Variants in ATXN10 observed in about 807,000 individuals in gnomAD.
ATXN10 encodes the protein ataxin-10.
Under a neutral mutation model 52.9 loss-of-function variants are expected in ATXN10, and 28 were observed. The ratio of observed to expected loss-of-function variants is 0.53; its 90% CI spans 0.39 to 0.73. The LOEUF is 0.73. Among genes scored for constraint, ATXN10 ranks in the 30% least tolerant of loss-of-function variants. The probability of loss-of-function intolerance (pLI) is 0.00; values close to 1 mark genes in which losing one functional copy is unlikely to be tolerated. For synonymous variants in ATXN10, 226 were observed against 221.5 expected (o/e 1.02, Z -0.18); for missense variants, 565 against 577.0 (o/e 0.98, Z 0.21).
rs117967082 is a variant in ATXN10, at chr22:45,772,620, C to G, written c.1173+32082C>G. ...TCTGCTGTGATTGTGATTGGAATTG[C>G]GTTAAATATACAGCTCTCTTTGGGG... is the stretch of plus-strand genomic sequence containing the variant. On this transcript the variant is annotated intron_variant, in intron 9 of 11. Transcript: ENST00000252934. The surrounding 1 kb of genome is among the most constrained non-coding windows in gnomAD (Gnocchi z 4.1). 9.1e-3 allele frequency among the ~76,000 whole-genome samples: 1,386 copies of G among 152,264 alleles called. 38 individuals are homozygous for G. The highest frequency in any genetic ancestry group is 0.053 in the Admixed American group (812 of 15,294).
chr22:45,686,048 C>T (rs1041427777), intron 1 of ATXN10, among the ~76,000 whole-genome samples: 4 of 152,320 alleles, frequency 2.6e-5, no homozygotes, highest in South Asian at 4.1e-4. Context: ...AAATCTGACA[C>T]GTTTTTAAGT....
At position 45,727,333 on chromosome 22, in the gene ATXN10, A is replaced by ATCTATCTACCTATCTG. The variant is rs1924915649; in HGVS notation, c.729-2084_729-2083insCCTATCTGTCTATCTA. Among the ~76,000 whole-genome samples the ATCTATCTACCTATCTG allele has an allele frequency of 6.7e-6, 1 of 148,216 alleles. No individual in the cohort carries two copies. The highest frequency in any genetic ancestry group is 2.5e-5 in the African/African-American group (1 of 39,920). On this transcript the variant is annotated intron_variant, in intron 6 of 11. Coordinates refer to ENST00000252934, the MANE Select transcript of ATXN10 (RefSeq NM_013236.4). The surrounding 1 kb of genome is among the most constrained non-coding windows in gnomAD (Gnocchi z 4.6). ...TCTGTCTGTCTGTCTATCTATCTAT[A>ATCTATCTACCTATCTG]TCTATCTATCTATCTATCTATCTAT...
intron 9 of ATXN10, among the ~76,000 whole-genome samples, chr22:45,785,989 A>AT (rs1476131501): frequency 6.6e-6 from 1 of 151,792 alleles, no homozygotes; most frequent in Non-Finnish European, 1.5e-5. Flanking sequence ...CATTCACCAA[A>AT]TTTTTTTTTC....
chr22:45,694,552 C>T (rs959889370), intron 3 of ATXN10, among the ~76,000 whole-genome samples: 6 of 151,208 alleles, frequency 4.0e-5, no homozygotes, highest in East Asian at 2.0e-4. Flanking sequence ...GAGGCTGAGG[C>T]GGGCGGATCA....
intron 9 of ATXN10, among the ~76,000 whole-genome samples, chr22:45,782,709 A>G (rs554044120): frequency 4.4e-4 from 67 of 152,314 alleles, no homozygotes; most frequent in African/African-American, 1.6e-3. Flanking sequence ...ACATATATAA[A>G]ACTTGTATAA....
At chr22:45,817,131 G>A (rs1337057605) in intron 10 of ATXN10, among the ~76,000 whole-genome samples, 1 of 152,262 alleles carries the variant, frequency 6.6e-6, no homozygotes, top group Non-Finnish European at 1.5e-5. Flanking sequence ...TGAATGACTA[G>A]GACATCTTCC....
At chr22:45,796,142 A>T (rs920556046) in intron 9 of ATXN10, among the ~76,000 whole-genome samples, 1 of 152,116 alleles carries the variant, frequency 6.6e-6, no homozygotes, top group Non-Finnish European at 1.5e-5. Context: ...TCCCAGGGGG[A>T]GGTCTCTAAA....
chr22:45,675,938 A>G (rs1415370048), intron 1 of ATXN10: 1 of 152,222 alleles, frequency 6.6e-6, no homozygotes. Flanking sequence ...GTGTAAGATA[A>G]TTCTTTTTTC....
rs746753102 is a variant in ATXN10 at position 45,757,853 on chromosome 22, G to A, written c.1173+17315G>A. ...GGACTTATTAGAGAAATAAACTCTG[G>A]CACACTTTCTCCAGTCATATTCGTT... On this transcript the variant is annotated intron_variant, in intron 9 of 11. Coordinates refer to ENST00000252934, the MANE Select transcript of ATXN10 (RefSeq NM_013236.4). The surrounding 1 kb of genome is among the most constrained non-coding windows in gnomAD (Gnocchi z 4.6). Among the ~76,000 whole-genome samples the A allele has an allele frequency of 4.4e-4, 67 of 152,102 alleles. No individual in the cohort carries two copies. Among genetic ancestry groups the A allele is most frequent in the Non-Finnish European group, 8.5e-4 (58 of 68,024 alleles).
chr22:45,675,574 G>A (rs1922652038), intron 1 of ATXN10: 1 of 152,258 alleles, frequency 6.6e-6, no homozygotes. Context: ...GCAGAGAGCT[G>A]TGTGGTGAGG....
chr22:45,842,148 T>G lies in ATXN10; in HGVS notation c.1238-843T>G, dbSNP rs1929364665. Among the ~76,000 whole-genome samples the G allele has an allele frequency of 6.6e-6, 1 of 152,224 alleles. No individual in the cohort carries two copies. Among genetic ancestry groups the G allele is most frequent in the South Asian group, 2.1e-4 (1 of 4,826 alleles). ...CTTGGCAGTCTCTTACATATGTCCC[T>G]GGATCCAACCACTGAAGACTGGTCC... On this transcript the variant is annotated intron_variant, in intron 10 of 11. Transcript: ENST00000252934. The surrounding 1 kb of genome is among the most constrained non-coding windows in gnomAD (Gnocchi z 4.8).
chr22:45,693,886 T>G (rs898833504), intron 3 of ATXN10, among the ~76,000 whole-genome samples: 1 of 152,162 alleles, frequency 6.6e-6, no homozygotes, highest in Non-Finnish European at 1.5e-5. Context: ...CACCTTGATC[T>G]TGGACCTCCA....
chr22:45,776,304 A>C (rs1405884524), intron 9 of ATXN10, among the ~76,000 whole-genome samples: 6 of 152,146 alleles, frequency 3.9e-5, no homozygotes, highest in African/African-American at 1.2e-4. Context: ...AGCACTTTCC[A>C]TTCTATAAAG....
chr22:45,833,469 C>T lies in ATXN10; in HGVS notation c.1238-9522C>T, dbSNP rs186982498. On this transcript the variant is annotated intron_variant, in intron 10 of 11. Coordinates refer to ENST00000252934, the MANE Select transcript of ATXN10 (RefSeq NM_013236.4). This position sits in a 1 kb window ranked among gnomAD's most constrained non-coding sequence, Gnocchi z 4.3. ...CCCTGTTCATGTTCTTCATTTAATC[C>T]TTTCTAACTTAGAACTATTTTTGAT... 3.9e-5 allele frequency among the ~76,000 whole-genome samples: 6 copies of T among 152,296 alleles called. No individual in the cohort carries two copies. The highest frequency in any genetic ancestry group is 8.8e-5 in the Non-Finnish European group (6 of 68,022).
intron 7 of ATXN10, 112 bp downstream of exon 7, chr22:45,729,702 A>C (rs778197338): frequency 7.0e-5 from 81 of 1,162,222 alleles, no homozygotes; most frequent in Non-Finnish European, 9.0e-5. Context: ...ATATTATGTA[A>C]GTAATGTATC....
In ATXN10 at chr22:45,830,746, A is replaced by G. The variant is rs76611508; in HGVS notation, c.1238-12245A>G. Among the ~76,000 whole-genome samples, 989 of 152,244 alleles carry G rather than the reference A, an allele frequency of 6.5e-3. 7 individuals carry two copies. Among genetic ancestry groups the G allele is most frequent in the South Asian group, 0.017 (81 of 4,824 alleles). On this transcript the variant is annotated intron_variant, in intron 10 of 11. Transcript: ENST00000252934. ...TGAATGTGGAGAAATCAGAACTCCC[A>G]TGCATTACTGATGGGAATGTAAAAT...
intron 10 of ATXN10, among the ~76,000 whole-genome samples, chr22:45,808,422 A>G (rs1928173667): frequency 6.6e-6 from 1 of 152,246 alleles, no homozygotes; most frequent in Non-Finnish European, 1.5e-5. Flanking sequence ...AGCAAAGACC[A>G]GAAAATAAAA....
At chr22:45,674,926 G>GTCATGCAGAA (rs1922622025) in intron 1 of ATXN10, 1 of 152,194 alleles carries the variant, frequency 6.6e-6, no homozygotes, top group East Asian at 1.9e-4. Flanking sequence ...GTCATGCAGT[G>GTCATGCAGAA]GGAAGAGCAG....
At chr22:45,709,624 C>T (rs1924168618) in intron 5 of ATXN10, among the ~76,000 whole-genome samples, 1 of 152,208 alleles carries the variant, frequency 6.6e-6, no homozygotes, top group Admixed American at 6.5e-5. Context: ...CATTATTGCT[C>T]ATTCTCTGGG....
Sources: allele counts gnomAD v4.1 joint callset (sites outside exome capture counted in the v4.1 genomes callset), GRCh38; gene constraint gnomAD v4.1.1; non-coding constraint Gnocchi (gnomAD v3.1); transcripts MANE v1.5; gene names NCBI Gene and HGNC (gene_info 2026-07-23, HGNC 2026-07-21).